CNOT10: variants seen among roughly 807,000 people sequenced by gnomAD.
CNOT10 encodes the protein CCR4-NOT transcription complex, subunit 10.
Under a neutral mutation model 94.6 loss-of-function variants are expected in CNOT10, and 30 were observed. The ratio of observed to expected loss-of-function variants is 0.32; its 90% CI spans 0.24 to 0.43. The LOEUF (loss-of-function observed/expected upper bound fraction) is 0.43. CNOT10 is among the 20% of genes least tolerant of loss of function. The probability of loss-of-function intolerance (pLI) is 1.00; values close to 1 mark genes in which losing one functional copy is unlikely to be tolerated. For synonymous variants in CNOT10, 289 were observed against 301.6 expected (o/e 0.96, Z 0.43); for missense variants, 759 against 877.2 (o/e 0.87, Z 1.70).
chr3:32,748,083 C>G (rs751786949), intron 13 of CNOT10, among the ~76,000 whole-genome samples: 2 of 152,208 alleles, frequency 1.3e-5, no homozygotes, highest in Non-Finnish European at 2.9e-5. Flanking sequence ...AAGTGAAACT[C>G]CTAGGCTGAA....
intron 7 of CNOT10, among the ~76,000 whole-genome samples, chr3:32,718,037 G>A (rs1698201031): frequency 6.6e-6 from 1 of 152,188 alleles, no homozygotes; most frequent in East Asian, 1.9e-4. Flanking sequence ...TAATTTTTAA[G>A]ATGGTGTAGG....
chr3:32,742,042 G>A (rs1207679191), intron 13 of CNOT10, among the ~76,000 whole-genome samples: 5 of 151,176 alleles, frequency 3.3e-5, no homozygotes, highest in Non-Finnish European at 7.4e-5. Context: ...TGCAACCTCC[G>A]CCTCCTGGGT....
chr3:32,754,679 G>A (rs551745575), intron 13 of CNOT10, among the ~76,000 whole-genome samples: 14 of 147,556 alleles, frequency 9.5e-5, no homozygotes, highest in South Asian at 8.9e-4. Flanking sequence ...GCGCTACCAC[G>A]CCCAGCTAAT....
intron 8 of CNOT10, among the ~76,000 whole-genome samples, chr3:32,720,443 T>C (rs1300700121): frequency 1.3e-5 from 2 of 151,956 alleles, no homozygotes; most frequent in South Asian, 2.1e-4. Flanking sequence ...GCTTTCTTTC[T>C]TTTTTTTACT....
intron 13 of CNOT10, among the ~76,000 whole-genome samples, chr3:32,749,026 T>C (rs1416327328): frequency 6.6e-6 from 1 of 152,064 alleles, no homozygotes; most frequent in Non-Finnish European, 1.5e-5. Flanking sequence ...TTCACCATCT[T>C]GGCCAGGCTC....
At chr3:32,739,883 C>T (rs960845678) in intron 13 of CNOT10, among the ~76,000 whole-genome samples, 19 of 152,010 alleles carry the variant, frequency 1.2e-4, no homozygotes, top group Admixed American at 3.3e-4. Context: ...CAAGACCGCG[C>T]CGTTGCACTC....
chr3:32,744,391 C>T (rs934169553), intron 13 of CNOT10, among the ~76,000 whole-genome samples: 1 of 152,144 alleles, frequency 6.6e-6, no homozygotes, highest in African/African-American at 2.4e-5. Flanking sequence ...AACTAATATG[C>T]AGTAAATTAT....
At chr3:32,720,971 T>C (rs1311907572) in intron 8 of CNOT10, among the ~76,000 whole-genome samples, 1 of 135,102 alleles carries the variant, frequency 7.4e-6, no homozygotes, top group African/African-American at 2.7e-5. Context: ...CCTTCCCTCC[T>C]TTCCTTCCCT....
At chr3:32,692,282 C>T (rs1258756766) in intron 1 of CNOT10, among the ~76,000 whole-genome samples, 1 of 152,050 alleles carries the variant, frequency 6.6e-6, no homozygotes, top group Admixed American at 6.6e-5. Context: ...TATTTGTAGG[C>T]ACAGGGTCCC....
At chr3:32,698,471 A>C (rs143666523) in intron 1 of CNOT10, among the ~76,000 whole-genome samples, 31 of 152,324 alleles carry the variant, frequency 2.0e-4, no homozygotes, top group African/African-American at 7.5e-4. Flanking sequence ...TTCATAGTCA[A>C]GTCACATGAA....
rs1007643511 is a variant in CNOT10 at position 32,685,416 on chromosome 3, A to G, written c.-45A>G. The G allele has an allele frequency of 1.2e-5, 18 of 1,549,500 alleles. No homozygotes were observed. Among genetic ancestry groups the G allele is most frequent in the Admixed American group, 7.8e-5 (4 of 50,972 alleles). On this transcript the variant is annotated 5_prime_UTR_variant, in exon 1 of 19. Coordinates refer to ENST00000328834, the MANE Select transcript of CNOT10 (RefSeq NM_015442.3). ...AGCGGCCAGCCCGGCGGCGGGAGTC[A>G]GGGCCACGCCACCTGCAGGGAAGAA...
At chr3:32,743,904 GTCA>G (rs998462870) in intron 13 of CNOT10, among the ~76,000 whole-genome samples, 12 of 152,158 alleles carry the variant, frequency 7.9e-5, no homozygotes, top group African/African-American at 2.9e-4. Flanking sequence ...AGGGAATGCC[GTCA>G]TCATAAAGTG....
chr3:32,712,968 G>A (rs1400005880), intron 4 of CNOT10, among the ~76,000 whole-genome samples: 1 of 152,190 alleles, frequency 6.6e-6, no homozygotes, highest in Non-Finnish European at 1.5e-5. Flanking sequence ...CATTACATGT[G>A]CTAGTGTTTA....
intron 6 of CNOT10, 149 bp downstream of exon 6, chr3:32,716,460 C>T (rs1698124861): frequency 4.2e-6 from 2 of 479,602 alleles, no homozygotes; most frequent in Non-Finnish European, 7.5e-6. Flanking sequence ...TTTAGAAGCA[C>T]ATTTATCCTA....
chr3:32,725,145 G>GC (rs1208234709), intron 8 of CNOT10, among the ~76,000 whole-genome samples: 1 of 151,868 alleles, frequency 6.6e-6, no homozygotes, highest in African/African-American at 2.4e-5. Flanking sequence ...ACCAGGGTAG[G>GC]CAATATAGTG....
intron 1 of CNOT10, among the ~76,000 whole-genome samples, chr3:32,702,620 T>C (rs543578345): frequency 6.6e-6 from 1 of 152,310 alleles, no homozygotes; most frequent in African/African-American, 2.4e-5. Context: ...TTCTGATTGT[T>C]ACTACTTTCC....
chr3:32,732,171 A>G (rs1302472038), intron 10 of CNOT10, among the ~76,000 whole-genome samples: 1 of 151,482 alleles, frequency 6.6e-6, no homozygotes, highest in Non-Finnish European at 1.5e-5. Context: ...CGGGCGGATC[A>G]CTTGAGGTCA....
At chr3:32,752,895 G>A in intron 13 of CNOT10, 2 of 361,216 alleles carry the variant, frequency 5.5e-6, no homozygotes, top group African/African-American at 2.2e-5. Context: ...GGCGGCAGCA[G>A]CAGTGACTAC....
intron 13 of CNOT10, among the ~76,000 whole-genome samples, chr3:32,744,065 C>T (rs908926810): frequency 3.9e-5 from 6 of 152,144 alleles, no homozygotes; most frequent in African/African-American, 1.4e-4. Context: ...GTAATGTGGA[C>T]ACAAATGGTG....
Sources: allele counts gnomAD v4.1 joint callset (sites outside exome capture counted in the v4.1 genomes callset), GRCh38; gene constraint gnomAD v4.1.1; transcripts MANE v1.5; gene names NCBI Gene and HGNC (gene_info 2026-07-23, HGNC 2026-07-21).